The following PRDM16 variants were observed in gnomAD, a reference collection of about 807,000 sequenced individuals.
PRDM16 encodes the protein histone-lysine N-methyltransferase PRDM16.
In PRDM16, 23 loss-of-function variants were observed where a neutral mutation model predicts 110.6. The ratio of observed to expected loss-of-function variants is 0.21; its 90% CI spans 0.15 to 0.29. The LOEUF (loss-of-function observed/expected upper bound fraction) is 0.29, where lower values mean the gene tolerates loss of function less well. Among genes scored for constraint, PRDM16 ranks in the 10% least tolerant of loss-of-function variants. The probability of loss-of-function intolerance (pLI) is 1.00; values close to 1 mark genes in which losing one functional copy is unlikely to be tolerated. For missense variants in PRDM16, 1,615 were observed against 1,794.3 expected (o/e 0.90, Z 1.81); for synonymous variants, 799 against 781.8 (o/e 1.02, Z -0.37).
rs1641991278 is a variant in PRDM16, at chr1:3,080,227, T to C, written c.37+10931T>C. Among the ~76,000 whole-genome samples, 1 of 152,136 alleles carries C rather than the reference T, an allele frequency of 6.6e-6. No homozygotes were observed. On this transcript the variant is annotated intron_variant, in intron 1 of 16. Transcript: ENST00000270722. The surrounding 1 kb of genome is among the most constrained non-coding windows in gnomAD (Gnocchi z 5.2). ...CTGCCAGTGTCAGGTTCCCAGATAA[T>C]GATGTGTCTGTGTGTGAAAATATTA...
intron 1 of PRDM16, among the ~76,000 whole-genome samples, chr1:3,089,919 T>TTCATTCAC: frequency 6.6e-6 from 1 of 152,186 alleles, no homozygotes; most frequent in Non-Finnish European, 1.5e-5. Context: ...AATCCACTCA[T>TTCATTCAC]TCATTCATTC....
chr1:3,409,759 GA>G (rs1409142439), intron 8 of PRDM16, among the ~76,000 whole-genome samples: 4 of 106,194 alleles, frequency 3.8e-5, no homozygotes, highest in Admixed American at 8.6e-5. Context: ...GTGTGGGTGT[GA>G]GTGTGTGTGG....
At chr1:3,100,377 G>T (rs1168222139) in intron 1 of PRDM16, among the ~76,000 whole-genome samples, 1 of 152,212 alleles carries the variant, frequency 6.6e-6, no homozygotes, top group East Asian at 1.9e-4. Flanking sequence ...CTCTTCCAGT[G>T]GGTGGCTGAG....
chr1:3,093,724 G>A (rs535555421), intron 1 of PRDM16, among the ~76,000 whole-genome samples: 34 of 152,314 alleles, frequency 2.2e-4, no homozygotes, highest in African/African-American at 5.1e-4. Context: ...CCCCTGCAGC[G>A]GAGAGTGGAC....
At position 3,244,263 on chromosome 1, in the gene PRDM16, A is replaced by C; in HGVS notation, c.438+126A>C. The C allele has an allele frequency of 1.2e-6, 1 of 858,264 alleles. No homozygotes were observed. Among genetic ancestry groups the C allele is most frequent in the Admixed American group, 2.0e-5 (1 of 50,316 alleles). 53.2% of individuals were successfully genotyped at this position (858,264 alleles called of 1,614,324 possible). On this transcript the variant is annotated intron_variant, in intron 3 of 16. Coordinates refer to ENST00000270722, the MANE Select transcript of PRDM16 (RefSeq NM_022114.4). The surrounding 1 kb of genome is among the most constrained non-coding windows in gnomAD (Gnocchi z 4.1). ...GTCGGAATGTTGCTGGCAGGCCCCG[A>C]GCAATGTGTTATCTGTGGACTGACG...
chr1:3,133,405 A>T (rs762083041), intron 1 of PRDM16: 1 of 152,380 alleles, frequency 6.6e-6, no homozygotes, highest in Non-Finnish European at 1.5e-5. Flanking sequence ...GGGCAGAGCC[A>T]TGGGGCTCGG....
At chr1:3,278,850 C>T (rs537261172) in intron 3 of PRDM16, among the ~76,000 whole-genome samples, 1 of 152,322 alleles carries the variant, frequency 6.6e-6, no homozygotes, top group African/African-American at 2.4e-5. Context: ...AAGCACAAAG[C>T]GTCCCTGCGT....
At chr1:3,347,600 C>T (rs1285125283) in intron 3 of PRDM16, among the ~76,000 whole-genome samples, 1 of 152,240 alleles carries the variant, frequency 6.6e-6, no homozygotes, top group Non-Finnish European at 1.5e-5. Flanking sequence ...TGGGGAAGGT[C>T]AGTCCTCGGA....
intron 2 of PRDM16, among the ~76,000 whole-genome samples, chr1:3,219,512 C>T (rs890887638): frequency 6.6e-6 from 1 of 152,190 alleles, no homozygotes; most frequent in African/African-American, 2.4e-5. Flanking sequence ...AGGGGGCTGG[C>T]AGGCCCTCGG....
rs970086291 is a variant in PRDM16 at position 3,201,642 on chromosome 1, C to A, written c.387+15168C>A. 6.6e-6 allele frequency among the ~76,000 whole-genome samples: 1 copy of A among 152,264 alleles called. No individual in the cohort carries two copies. The highest frequency in any genetic ancestry group is 1.9e-4 in the East Asian group (1 of 5,196). On this transcript the variant is annotated intron_variant, in intron 2 of 16. Transcript: ENST00000270722. This position sits in a 1 kb window ranked among gnomAD's most constrained non-coding sequence, Gnocchi z 4.1. ...TGGGAGCCCCGGCTCTGACGTTTCTCCAGTGACCCCTGGCAGGTCGGGGAC... is the reference window on the plus strand; with the variant it reads ...TGGGAGCCCCGGCTCTGACGTTTCTACAGTGACCCCTGGCAGGTCGGGGAC...
At chr1:3,313,202 G>A (rs1031898532) in intron 3 of PRDM16, among the ~76,000 whole-genome samples, 3 of 152,240 alleles carry the variant, frequency 2.0e-5, no homozygotes, top group Admixed American at 6.5e-5. Flanking sequence ...GGCTGCCCAC[G>A]GAGCCTTAGA....
chr1:3,431,517 G>A (rs1426359154), intron 15 of PRDM16, among the ~76,000 whole-genome samples: 1 of 152,260 alleles, frequency 6.6e-6, no homozygotes, highest in Non-Finnish European at 1.5e-5. Flanking sequence ...TGTCCTCAGT[G>A]TTCGCCACCA....
chr1:3,392,242 A>G (rs1433432800), intron 4 of PRDM16, among the ~76,000 whole-genome samples: 3 of 152,142 alleles, frequency 2.0e-5, no homozygotes, highest in East Asian at 1.9e-4. Flanking sequence ...TGCACAGTAA[A>G]CTCAGGCACA....
At chr1:3,399,865 C>T (rs866149865) in intron 5 of PRDM16, among the ~76,000 whole-genome samples, 4 of 152,200 alleles carry the variant, frequency 2.6e-5, no homozygotes, top group African/African-American at 4.8e-5. Context: ...AACTGAATCA[C>T]GATGCTGGCT....
chr1:3,327,685 G>T (rs2100478979), intron 3 of PRDM16, among the ~76,000 whole-genome samples: 1 of 152,294 alleles, frequency 6.6e-6, no homozygotes, highest in East Asian at 1.9e-4. Flanking sequence ...ATGATGGCGT[G>T]CGGGTACTAG....
intron 2 of PRDM16, among the ~76,000 whole-genome samples, chr1:3,240,056 A>AAGAGGAGAGGAGAGGAGAAGAGG (rs1639629879): frequency 1.8e-4 from 19 of 103,400 alleles, no homozygotes; most frequent in African/African-American, 7.0e-4. Flanking sequence ...AGGAGAGGAG[A>AAGAGGAGAGGAGAGGAGAAGAGG]AGAGGAGAGG....
chr1:3,344,707 G>A (rs1642330242), intron 3 of PRDM16, among the ~76,000 whole-genome samples: 3 of 152,142 alleles, frequency 2.0e-5, no homozygotes, highest in Admixed American at 6.5e-5. Context: ...ATCACTAGGT[G>A]CTCACCCTGA....
At position 3,396,183 on chromosome 1, in the gene PRDM16, G is replaced by A. The variant is rs374664136; in HGVS notation, c.574-308G>A. 144 of 448,590 alleles carry A rather than the reference G, an allele frequency of 3.2e-4. 2 individuals carry two copies. The East Asian group carries it at 7.0e-3, about 22-fold the overall frequency. The allele number at this position is 448,590 out of a possible 1,614,324, so 27.8% of individuals were successfully genotyped here. Reference sequence around the variant, plus strand: ...GAGAACCCACCCAGGTGGGCTCTTGGTGGAAGCGGGGCTCTGCTGTGCCCC... The same window carrying A: ...GAGAACCCACCCAGGTGGGCTCTTGATGGAAGCGGGGCTCTGCTGTGCCCC... On this transcript the variant is annotated intron_variant, in intron 4 of 16. Transcript: ENST00000270722.
chr1:3,363,061 C>T (rs983147651), intron 3 of PRDM16, among the ~76,000 whole-genome samples: 2 of 152,204 alleles, frequency 1.3e-5, no homozygotes, highest in Non-Finnish European at 2.9e-5. Flanking sequence ...GAAGCTGCTA[C>T]CCCACCCTGC....
Sources: gnomAD v4.1 joint callset for allele counts (sites outside exome capture counted in the v4.1 genomes callset) on GRCh38, gnomAD v4.1.1 for gene constraint, Gnocchi (gnomAD v3.1) non-coding constraint, MANE v1.5 for transcripts, NCBI Gene and HGNC (gene_info 2026-07-23, HGNC 2026-07-21) for gene names.